The following DDX10 variants were observed in gnomAD, a reference collection of about 807,000 sequenced individuals.
DDX10 encodes the protein probable ATP-dependent RNA helicase DDX10.
A neutral mutation model predicts 104.3 loss-of-function variants in DDX10; 74 were observed. The ratio of observed to expected loss-of-function variants is 0.71; its 90% CI spans 0.59 to 0.86. The LOEUF (loss-of-function observed/expected upper bound fraction) is 0.86. Among genes scored for constraint, DDX10 ranks in the 40% least tolerant of loss-of-function variants. The probability of loss-of-function intolerance (pLI) is 0.00; values close to 1 mark genes in which losing one functional copy is unlikely to be tolerated. For synonymous variants in DDX10, 351 were observed against 353.4 expected, an observed-to-expected ratio of 0.99 and a Z score of 0.08; for missense variants, 952 against 1,040.0, an observed-to-expected ratio of 0.92 and a Z score of 1.16.
At chr11:108,823,583 T>A (rs1840241526) in intron 13 of DDX10, among the ~76,000 whole-genome samples, 1 of 152,192 alleles carries the variant, frequency 6.6e-6, no homozygotes, top group African/African-American at 2.4e-5. Context: ...TATATCTTTC[T>A]TCCATTATTG....
intron 13 of DDX10, among the ~76,000 whole-genome samples, chr11:108,772,714 C>T (rs966958973): frequency 6.6e-6 from 1 of 152,228 alleles, no homozygotes; most frequent in Admixed American, 6.5e-5. Context: ...CGGGCATTAC[C>T]GCCTGAGCTC....
chr11:108,786,272 A>G (rs1018378470), intron 13 of DDX10, among the ~76,000 whole-genome samples: 1 of 152,090 alleles, frequency 6.6e-6, no homozygotes, highest in East Asian at 1.9e-4. Context: ...AAGACTCAGC[A>G]TGTGGTTGAT....
Position 108,677,099 on chromosome 11 carries a change from A to C in DDX10, c.393A>C (p.Leu131Phe). 1 of 1,611,728 alleles carries C rather than the reference A, an allele frequency of 6.2e-7. No homozygotes were observed. Among genetic ancestry groups the C allele is most frequent in the Non-Finnish European group, 8.5e-7 (1 of 1,178,608 alleles). Reference protein sequence around the residue: ...LAFLVPVLEALYRLQWTSTDG... With the variant: ...LAFLVPVLEAFYRLQWTSTDG... ...GTCTTTTTGAGGTGCTGGAAGCCTTATATCGTCTGCAATGGACTTCAACAG... is the reference window on the plus strand; with the variant it reads ...GTCTTTTTGAGGTGCTGGAAGCCTTCTATCGTCTGCAATGGACTTCAACAG... The change falls in exon 4 of 18, where the codon TTA becomes TTC. Residue 131 changes from leucine (L) to phenylalanine (F), a missense_variant. Coordinates refer to ENST00000322536, the MANE Select transcript of DDX10 (RefSeq NM_004398.4).
chr11:108,762,494 G>A (rs2094351912), intron 13 of DDX10, among the ~76,000 whole-genome samples: 1 of 152,124 alleles, frequency 6.6e-6, no homozygotes, highest in East Asian at 1.9e-4. Flanking sequence ...TTAAAAACTA[G>A]GCAATAGAGA....
At chr11:108,900,065 A>G (rs1354227672) in intron 16 of DDX10, among the ~76,000 whole-genome samples, 4 of 151,936 alleles carry the variant, frequency 2.6e-5, no homozygotes, top group African/African-American at 9.7e-5. Flanking sequence ...TGAGCTTAAA[A>G]TGCGTCACTG....
At chr11:108,673,294 A>G (rs1028422970) in intron 1 of DDX10, among the ~76,000 whole-genome samples, 173 bp from the exon 2 acceptor site, 4 of 152,174 alleles carry the variant, frequency 2.6e-5, no homozygotes, top group African/African-American at 7.2e-5. Flanking sequence ...CGATTCAGGG[A>G]CAGCCTCTTC....
chr11:108,934,134 G>A (rs1565323404), intron 17 of DDX10, among the ~76,000 whole-genome samples: 2 of 152,194 alleles, frequency 1.3e-5, no homozygotes, highest in African/African-American at 2.4e-5. Context: ...AAGGCTTCCC[G>A]GAGCTGGATC....
intron 13 of DDX10, among the ~76,000 whole-genome samples, chr11:108,817,287 C>T (rs1479844243): frequency 6.6e-6 from 1 of 152,136 alleles, no homozygotes; most frequent in Non-Finnish European, 1.5e-5. Context: ...TCTCTTATTG[C>T]CTTCCACCCT....
intron 13 of DDX10, among the ~76,000 whole-genome samples, chr11:108,808,207 A>T (rs1301603159): frequency 6.6e-6 from 1 of 152,156 alleles, no homozygotes; most frequent in Non-Finnish European, 1.5e-5. Context: ...GAATTTGCGG[A>T]GTTTTTTTTA....
intron 16 of DDX10, among the ~76,000 whole-genome samples, chr11:108,873,396 A>T (rs1467513951): frequency 6.6e-6 from 1 of 152,170 alleles, no homozygotes; most frequent in African/African-American, 2.4e-5. Flanking sequence ...TGTCAGCTTT[A>T]GATCTACAGA....
chr11:108,888,453 A>ATATACTCTCT (rs1194312663), intron 16 of DDX10, among the ~76,000 whole-genome samples: 2 of 152,166 alleles, frequency 1.3e-5, no homozygotes, highest in African/African-American at 4.8e-5. Flanking sequence ...AGTAAGTAAA[A>ATATACTCTCT]TATACTCTCT....
At chr11:108,817,173 G>A (rs1259413867) in intron 13 of DDX10, among the ~76,000 whole-genome samples, 1 of 152,216 alleles carries the variant, frequency 6.6e-6, no homozygotes, top group East Asian at 1.9e-4. Context: ...ACAGTGTTAA[G>A]TGAGGACTTG....
intron 16 of DDX10, among the ~76,000 whole-genome samples, chr11:108,861,415 C>A (rs1168838553): frequency 6.6e-6 from 1 of 152,010 alleles, no homozygotes; most frequent in African/African-American, 2.4e-5. Flanking sequence ...CTAGAAATAA[C>A]CTGAATTGTA....
At chr11:108,677,357 G>C (rs2094227060) in intron 4 of DDX10, 114 bp downstream of exon 4, 1 of 921,014 alleles carries the variant, frequency 1.1e-6, no homozygotes, top group Non-Finnish European at 1.6e-6. Flanking sequence ...CTAGACCAGG[G>C]CCTCATGGGA....
At chr11:108,674,999 T>C (rs2094222182) in intron 2 of DDX10, among the ~76,000 whole-genome samples, 1 of 152,186 alleles carries the variant, frequency 6.6e-6, no homozygotes, top group Non-Finnish European at 1.5e-5. Context: ...CTGTGCCTGG[T>C]TTATTTCAGT....
At chr11:108,933,637 C>T (rs1438403259) in intron 17 of DDX10, among the ~76,000 whole-genome samples, 2 of 152,118 alleles carry the variant, frequency 1.3e-5, no homozygotes, top group East Asian at 3.8e-4. Flanking sequence ...AATATAATTT[C>T]CCTTCCGCCA....
At chr11:108,899,495 C>CT (rs528077626) in intron 16 of DDX10, among the ~76,000 whole-genome samples, 2,524 of 143,470 alleles carry the variant, frequency 0.018, 56 homozygotes, top group African/African-American at 0.055. Flanking sequence ...GCACAGCTAC[C>CT]TTTTTTTTTT....
chr11:108,933,104 A>G (rs967221521), intron 17 of DDX10, among the ~76,000 whole-genome samples: 2 of 152,020 alleles, frequency 1.3e-5, no homozygotes, highest in African/African-American at 4.8e-5. Context: ...TAGGGGCAAG[A>G]GATTGAGCTC....
intron 16 of DDX10, among the ~76,000 whole-genome samples, chr11:108,882,109 T>C (rs186506322): frequency 3.3e-5 from 5 of 152,288 alleles, no homozygotes; most frequent in Admixed American, 1.3e-4. Flanking sequence ...GAGGTAATTA[T>C]GAACTGTGGG....
Sources: allele counts gnomAD v4.1 joint callset (sites outside exome capture counted in the v4.1 genomes callset), GRCh38; gene constraint gnomAD v4.1.1; transcripts MANE v1.5; gene names NCBI Gene and HGNC (gene_info 2026-07-23, HGNC 2026-07-21).